The following MICU3 variants were observed in gnomAD, a reference collection of about 807,000 sequenced individuals.
MICU3 encodes calcium uptake protein 3, mitochondrial.
Under a neutral mutation model 66.5 loss-of-function variants are expected in MICU3, and 62 were observed. The observed-to-expected ratio is 0.93, with a 90% CI of 0.76 to 1.15. The LOEUF (loss-of-function observed/expected upper bound fraction) is 1.15. MICU3 is among the 50% of genes most tolerant of loss of function. The probability of loss-of-function intolerance (pLI) is 0.00; values close to 1 mark genes in which losing one functional copy is unlikely to be tolerated. For synonymous variants in MICU3, 308 were observed against 240.7 expected, an observed-to-expected ratio of 1.28 and a Z score of -2.59; for missense variants, 779 against 664.4, an observed-to-expected ratio of 1.17 and a Z score of -1.90.
At chr8:17,138,632 T>C in the MICU3 span, among the ~76,000 whole-genome samples, 2 of 152,160 alleles carry the variant, frequency 1.3e-5, no homozygotes, top group East Asian at 1.9e-4. Flanking sequence ...TAAAAGTCAC[T>C]GAGACGGCTC....
chr8:17,107,355 A>G (rs1414849874), intron 11 of MICU3, among the ~76,000 whole-genome samples: 1 of 152,148 alleles, frequency 6.6e-6, no homozygotes, highest in African/African-American at 2.4e-5. Context: ...AGGTAACAGC[A>G]AATGCCAAGG....
In MICU3 at chr8:17,121,967, A is replaced by C. The variant is rs1371876106; in HGVS notation, c.*1680A>C. Reference sequence around the variant, plus strand: ...TGTTCTTAATATGATTTGGTACCTAAAGTAATTGAAAAAAATGCAGTTTCC... The same window carrying C: ...TGTTCTTAATATGATTTGGTACCTACAGTAATTGAAAAAAATGCAGTTTCC... On this transcript the variant is annotated 3_prime_UTR_variant, in exon 15 of 15. Coordinates refer to ENST00000318063, the MANE Select transcript of MICU3 (RefSeq NM_181723.3). 6.6e-6 allele frequency: 1 copy of C among 151,736 alleles called. No homozygotes were observed. Among genetic ancestry groups the C allele is most frequent in the African/African-American group, 2.4e-5 (1 of 41,392 alleles). 9.4% of individuals were successfully genotyped at this position (151,736 alleles called of 1,614,324 possible).
At position 17,027,546 on chromosome 8, in the gene MICU3, C is replaced by T. The variant is rs774437918; in HGVS notation, c.267C>T (p.Pro89=). ...GLVCYQLYGD[P]RAGSPATGRP... ...TATGCTACCAGCTGTACGGGGACCC[C>T]AGGGCCGGCTCGCCGGCGACCGGGC... Residue 89 remains proline (P), a synonymous_variant, in exon 1 of 15, where the codon CCC becomes CCT. Coordinates refer to ENST00000318063, the MANE Select transcript of MICU3 (RefSeq NM_181723.3). 6.1e-5 allele frequency: 78 copies of T among 1,280,988 alleles called. 1 individual carries two copies. In the South Asian group the frequency reaches 7.5e-4, roughly 12 times the overall value. 79.4% of individuals were successfully genotyped at this position (1,280,988 alleles called of 1,614,324 possible).
chr8:17,130,844 T>C, the MICU3 span, among the ~76,000 whole-genome samples: 3 of 152,190 alleles, frequency 2.0e-5, no homozygotes, highest in African/African-American at 7.2e-5. Context: ...AAATTAGTAA[T>C]TAATGTTAAA....
Position 17,027,478 on chromosome 8 carries a change from C to T in MICU3, c.199C>T (p.Leu67=). The change falls in exon 1 of 15, where the codon CTG becomes TTG. Residue 67 remains leucine, a synonymous_variant. Transcript: ENST00000318063. ...AWRRRRRWGE[L]SVAAAAGGGL... is the part of the protein sequence containing the mutation. ...GAGGCGGCGGCGGCGCTGGGGGGAGCTGAGCGTGGCGGCGGCGGCCGGCGG... is the reference window on the plus strand; with the variant it reads ...GAGGCGGCGGCGGCGCTGGGGGGAGTTGAGCGTGGCGGCGGCGGCCGGCGG... 1 of 1,284,728 alleles carries T rather than the reference C, an allele frequency of 7.8e-7. No homozygotes were observed. Among genetic ancestry groups the T allele is most frequent in the Non-Finnish European group, 9.8e-7 (1 of 1,020,192 alleles). The allele number at this position is 1,284,728 out of a possible 1,614,324, so 79.6% of individuals were successfully genotyped here. A position where few individuals can be genotyped will look rare whatever the true frequency, so the allele number is the denominator to read the frequency against.
At position 17,118,700 on chromosome 8, in the gene MICU3, T is replaced by A. The variant is rs1802931906; in HGVS notation, c.1525-7T>A. 1 of 1,599,032 alleles carries A rather than the reference T, an allele frequency of 6.3e-7. No homozygotes were observed. Among genetic ancestry groups the A allele is most frequent in the Admixed American group, 1.7e-5 (1 of 59,596 alleles). On this transcript the variant is annotated splice_polypyrimidine_tract_variant and splice_region_variant and intron_variant, in intron 13 of 14. Transcript: ENST00000318063. ...ACATTTGCACACTTTGCTCTTCTGT[T>A]TTACAGGGTTATAAAACAGTCCAGA...
rs764571559 is a variant in MICU3, at chr8:17,085,332, A to G, written c.777+14A>G. On this transcript the variant is annotated intron_variant, in intron 6 of 14. Transcript: ENST00000318063. ...GAGTTTTTGGTGGTATGTATACTAG[A>G]TGCTGCACTTTATCAATAATTAAAT... 6.8e-7 allele frequency: 1 copy of G among 1,473,000 alleles called. No homozygotes were observed. 91.2% of individuals were successfully genotyped at this position (1,473,000 alleles called of 1,614,324 possible).
chr8:17,126,542 C>T (rs1201438448), downstream of MICU3, among the ~76,000 whole-genome samples: 1 of 152,142 alleles, frequency 6.6e-6, no homozygotes, highest in Non-Finnish European at 1.5e-5. Context: ...GGATGGTTAT[C>T]TTTGAAGATG....
chr8:17,032,824 G>C (rs1033562550), intron 1 of MICU3, among the ~76,000 whole-genome samples: 1 of 152,116 alleles, frequency 6.6e-6, no homozygotes, highest in East Asian at 1.9e-4. Context: ...AACATTATAC[G>C]CGTACTTAAT....
At chr8:17,079,113 G>A (rs151148641) in intron 4 of MICU3, among the ~76,000 whole-genome samples, 304 of 151,574 alleles carry the variant, frequency 2.0e-3, no homozygotes, top group African/African-American at 6.2e-3. Flanking sequence ...CCTAGGTTTA[G>A]GCATATCCTA....
At chr8:17,095,735 CTCCT>C (rs2150781445) in intron 8 of MICU3, among the ~76,000 whole-genome samples, 1 of 151,502 alleles carries the variant, frequency 6.6e-6, no homozygotes, top group South Asian at 2.1e-4. Flanking sequence ...CCCTCCTTTC[CTCCT>C]TCCCTCTTTA....
At chr8:17,115,876 T>G (rs113961962) in intron 12 of MICU3, among the ~76,000 whole-genome samples, 38 of 152,152 alleles carry the variant, frequency 2.5e-4, no homozygotes, top group African/African-American at 8.9e-4. Flanking sequence ...CCCTCCCACC[T>G]CCCCGCCTGC....
chr8:17,072,557 A>G (rs1819751489), intron 3 of MICU3, among the ~76,000 whole-genome samples: 1 of 152,164 alleles, frequency 6.6e-6, no homozygotes, highest in African/African-American at 2.4e-5. Context: ...AGTGTAAACA[A>G]TGTTAAAAGA....
chr8:17,058,094 C>T (rs1817251271), intron 1 of MICU3, among the ~76,000 whole-genome samples: 1 of 152,146 alleles, frequency 6.6e-6, no homozygotes, highest in African/African-American at 2.4e-5. Flanking sequence ...AGGTGATCCA[C>T]CCGCCTCGGC....
intron 9 of MICU3, among the ~76,000 whole-genome samples, chr8:17,100,386 G>A (rs1227078345): frequency 6.6e-6 from 1 of 151,708 alleles, no homozygotes; most frequent in African/African-American, 2.4e-5. Context: ...CTTATATCGT[G>A]TTCCAGAGTA....
intron 7 of MICU3, among the ~76,000 whole-genome samples, chr8:17,089,997 A>C (rs1480578292): frequency 6.6e-6 from 1 of 152,122 alleles, no homozygotes; most frequent in Non-Finnish European, 1.5e-5. Flanking sequence ...TTATGTGCTA[A>C]GCTCCATGCT....
intron 1 of MICU3, among the ~76,000 whole-genome samples, chr8:17,047,531 A>G: frequency 6.6e-6 from 1 of 152,230 alleles, no homozygotes; most frequent in Non-Finnish European, 1.5e-5. Context: ...ATCAATAAAA[A>G]TATTTAGTCA....
chr8:17,082,551 T>C (rs771740902), intron 5 of MICU3, among the ~76,000 whole-genome samples: 6 of 152,174 alleles, frequency 3.9e-5, no homozygotes, highest in Non-Finnish European at 7.4e-5. Context: ...AGGTCCATTA[T>C]GGCAAAGATT....
intron 9 of MICU3, among the ~76,000 whole-genome samples, chr8:17,100,221 T>C (rs539066245): frequency 5.9e-5 from 9 of 151,490 alleles, no homozygotes; most frequent in Middle Eastern, 3.4e-3. Context: ...TTTTTTTTTT[T>C]CCCGGACAAC....
Sources: gnomAD v4.1 joint callset for allele counts (sites outside exome capture counted in the v4.1 genomes callset) on GRCh38, gnomAD v4.1.1 for gene constraint, MANE v1.5 for transcripts, NCBI Gene and HGNC (gene_info 2026-07-23, HGNC 2026-07-21) for gene names.